MVB12B: variants seen among roughly 807,000 people sequenced by gnomAD.
The protein encoded by MVB12B is ESCRT-I complex subunit MVB12B.
In MVB12B, 16 loss-of-function variants were observed where a neutral mutation model predicts 41.6. The ratio of observed to expected loss-of-function variants is 0.38; its 90% CI spans 0.26 to 0.58. The LOEUF is 0.58. Among genes scored for constraint, MVB12B ranks in the 20% least tolerant of loss-of-function variants. The pLI is 0.62. For synonymous variants in MVB12B, 133 were observed against 139.7 expected, an observed-to-expected ratio of 0.95 and a Z score of 0.34; for missense variants, 274 against 380.2, an observed-to-expected ratio of 0.72 and a Z score of 2.32.
chr9:126,483,379 G>T (rs1833564629), intron 8 of MVB12B, among the ~76,000 whole-genome samples: 1 of 152,168 alleles, frequency 6.6e-6, no homozygotes, highest in East Asian at 1.9e-4. Flanking sequence ...TCATTAAAAT[G>T]CAATGTTATC....
chr9:126,372,459 C>G (rs576816786), intron 2 of MVB12B, among the ~76,000 whole-genome samples: 16 of 152,288 alleles, frequency 1.1e-4, no homozygotes, highest in African/African-American at 3.8e-4. Flanking sequence ...GACTGTTTTC[C>G]AAAGTGGCTG....
intron 7 of MVB12B, among the ~76,000 whole-genome samples, chr9:126,445,723 T>G (rs1275650926): frequency 2.0e-5 from 3 of 152,042 alleles, no homozygotes; most frequent in Admixed American, 6.6e-5. Context: ...CTCAAACTCC[T>G]GGCCTCAAAC....
intron 2 of MVB12B, among the ~76,000 whole-genome samples, chr9:126,344,489 G>A (rs886116084): frequency 3.9e-5 from 6 of 152,230 alleles, no homozygotes; most frequent in Non-Finnish European, 8.8e-5. Flanking sequence ...TTCAGCGCCA[G>A]CTTTCTCCCC....
intron 7 of MVB12B, among the ~76,000 whole-genome samples, chr9:126,457,067 C>T (rs1018367915): frequency 1.3e-5 from 2 of 152,174 alleles, no homozygotes; most frequent in Non-Finnish European, 2.9e-5. Flanking sequence ...CTCGCAAACC[C>T]TTTCTCATTT....
At position 126,340,496 on chromosome 9, in the gene MVB12B, T is replaced by G; in HGVS notation, c.82-12T>G. On this transcript the variant is annotated splice_polypyrimidine_tract_variant and intron_variant, in intron 1 of 9. Coordinates refer to ENST00000361171, the MANE Select transcript of MVB12B (RefSeq NM_033446.3). The surrounding 1 kb of genome is among the most constrained non-coding windows in gnomAD (Gnocchi z 4.0). ...TTGAATTTTGTGTTTTCTTTTTCCTTTGCTGAACCAGGACCAGTCCACCAT... is the reference window on the plus strand; with the variant it reads ...TTGAATTTTGTGTTTTCTTTTTCCTGTGCTGAACCAGGACCAGTCCACCAT... The G allele has an allele frequency of 6.2e-7, 1 of 1,612,846 alleles. No homozygotes were observed. Among genetic ancestry groups the G allele is most frequent in the Non-Finnish European group, 8.5e-7 (1 of 1,179,360 alleles).
At chr9:126,498,392 C>T (rs1184888012) in intron 9 of MVB12B, among the ~76,000 whole-genome samples, 1 of 152,242 alleles carries the variant, frequency 6.6e-6, no homozygotes, top group Non-Finnish European at 1.5e-5. Context: ...TCCACCCCTG[C>T]ACCAGACTCT....
At chr9:126,401,728 T>C (rs887700032) in intron 6 of MVB12B, among the ~76,000 whole-genome samples, 2 of 152,250 alleles carry the variant, frequency 1.3e-5, no homozygotes, top group Admixed American at 1.3e-4. Flanking sequence ...CAGAAGCCCA[T>C]GAGCGTGCCA....
intron 8 of MVB12B, 102 bp downstream of exon 8, chr9:126,481,526 C>T (rs986744081): frequency 1.1e-5 from 9 of 843,934 alleles, no homozygotes; most frequent in South Asian, 4.2e-5. Flanking sequence ...GCAGTACTCA[C>T]GCCCCTTCCC....
chr9:126,418,901 T>A (rs1382780337), intron 6 of MVB12B, among the ~76,000 whole-genome samples: 1 of 152,330 alleles, frequency 6.6e-6, no homozygotes, highest in East Asian at 1.9e-4. Flanking sequence ...TAGGAAATGA[T>A]CACACTTGTA....
At chr9:126,372,343 A>G (rs1373193029) in intron 2 of MVB12B, among the ~76,000 whole-genome samples, 1 of 152,182 alleles carries the variant, frequency 6.6e-6, no homozygotes, top group Admixed American at 6.5e-5. Flanking sequence ...ATTCACATGC[A>G]AGTTTGTATG....
chr9:126,442,859 C>T (rs1347153567), intron 7 of MVB12B, among the ~76,000 whole-genome samples: 1 of 152,104 alleles, frequency 6.6e-6, no homozygotes, highest in Non-Finnish European at 1.5e-5. Flanking sequence ...GGCAGATGGT[C>T]ATACTGTTAC....
At chr9:126,332,911 C>G (rs1028592991) in intron 1 of MVB12B, among the ~76,000 whole-genome samples, 5 of 152,222 alleles carry the variant, frequency 3.3e-5, no homozygotes, top group Non-Finnish European at 7.3e-5. Context: ...AAAGCATGTT[C>G]TAGCCTTCTG....
At chr9:126,500,347 C>G (rs62578078) in intron 9 of MVB12B, among the ~76,000 whole-genome samples, 1 of 152,046 alleles carries the variant, frequency 6.6e-6, no homozygotes, top group African/African-American at 2.4e-5. Context: ...GGCCTTGGAG[C>G]ATCCAAAGTG....
intron 7 of MVB12B, among the ~76,000 whole-genome samples, chr9:126,437,155 T>TCCAGC (rs1224130978): frequency 6.6e-6 from 1 of 152,196 alleles, no homozygotes; most frequent in Non-Finnish European, 1.5e-5. Flanking sequence ...GTCTGAAAAG[T>TCCAGC]CCAGCCCAGC....
chr9:126,432,315 A>G (rs1223945909), intron 7 of MVB12B, among the ~76,000 whole-genome samples: 2 of 152,238 alleles, frequency 1.3e-5, no homozygotes, highest in African/African-American at 4.8e-5. Flanking sequence ...ACCTGCTCTT[A>G]GCACTTCTTC....
intron 9 of MVB12B, among the ~76,000 whole-genome samples, chr9:126,496,603 A>C (rs1034807007): frequency 1.3e-5 from 2 of 151,922 alleles, no homozygotes; most frequent in African/African-American, 4.8e-5. Flanking sequence ...CCGGGGAAGG[A>C]ACACGCTTCC....
chr9:126,407,423 A>ATAGGACACGTTCAC (rs1259795079), intron 6 of MVB12B, among the ~76,000 whole-genome samples: 6 of 152,206 alleles, frequency 3.9e-5, no homozygotes, highest in Non-Finnish European at 2.9e-5. Context: ...GTCACGTTCA[A>ATAGGACACGTTCAC]TAGGACACGT....
chr9:126,464,887 C>T (rs1421459388), intron 7 of MVB12B, among the ~76,000 whole-genome samples: 1 of 152,174 alleles, frequency 6.6e-6, no homozygotes, highest in African/African-American at 2.4e-5. Flanking sequence ...AATGCCAGTG[C>T]CAGGGCCATT....
At chr9:126,433,056 A>C (rs1226847860) in intron 7 of MVB12B, among the ~76,000 whole-genome samples, 2 of 152,166 alleles carry the variant, frequency 1.3e-5, no homozygotes, top group Non-Finnish European at 2.9e-5. Flanking sequence ...TGCTGGGCAA[A>C]ACAGTGAAGG....
Sources: allele counts gnomAD v4.1 joint callset (sites outside exome capture counted in the v4.1 genomes callset), GRCh38; gene constraint gnomAD v4.1.1; non-coding constraint Gnocchi (gnomAD v3.1); transcripts MANE v1.5; gene names NCBI Gene and HGNC (gene_info 2026-07-23, HGNC 2026-07-21).